HMCN1: variants seen among roughly 807,000 people sequenced by gnomAD.
The protein encoded by HMCN1 is hemicentin 1.
A neutral mutation model predicts 625.9 loss-of-function variants in HMCN1; 321 were observed. The ratio of observed to expected loss-of-function variants is 0.51; its 90% CI spans 0.47 to 0.56. The LOEUF (loss-of-function observed/expected upper bound fraction) is 0.56. Among genes scored for constraint, HMCN1 ranks in the 20% least tolerant of loss-of-function variants. The pLI is 0.00. For missense variants in HMCN1, 6,588 were observed against 6,887.3 expected, an observed-to-expected ratio of 0.96 and a Z score of 1.54; for synonymous variants, 2,425 against 2,417.6, an observed-to-expected ratio of 1.00 and a Z score of -0.09.
Position 186,018,177 on chromosome 1 carries a change from C to A in HMCN1, c.5301-6C>A. 6.2e-7 allele frequency: 1 copy of A among 1,610,174 alleles called. No homozygotes were observed. The highest frequency in any genetic ancestry group is 8.5e-7 in the Non-Finnish European group (1 of 1,176,858). On this transcript the variant is annotated splice_polypyrimidine_tract_variant and splice_region_variant and intron_variant, in intron 33 of 106. Coordinates refer to ENST00000271588, the MANE Select transcript of HMCN1 (RefSeq NM_031935.3). ...TATCCAGACTTCCTTTTGCCTTTTT[C>A]TATAGGTGGCTGAAGGATGGCCAGT...
At chr1:186,047,891 T>C (rs1656680177) in intron 41 of HMCN1, among the ~76,000 whole-genome samples, 1 of 152,170 alleles carries the variant, frequency 6.6e-6, no homozygotes, top group Admixed American at 6.6e-5. Flanking sequence ...GGCTTCTGTG[T>C]ACCCCTGCTA....
At chr1:186,049,073 G>A (rs574426315) in intron 42 of HMCN1, among the ~76,000 whole-genome samples, 32 of 152,162 alleles carry the variant, frequency 2.1e-4, no homozygotes, top group South Asian at 1.2e-3. Flanking sequence ...ATCTGCCTGA[G>A]TAGTAATGTG....
chr1:185,832,314 T>TA (rs1660919018), intron 1 of HMCN1, among the ~76,000 whole-genome samples: 1 of 151,636 alleles, frequency 6.6e-6, no homozygotes, highest in South Asian at 2.1e-4. Context: ...AATAAAAAAA[T>TA]AAAGTTGATA....
In HMCN1 at chr1:186,087,506, C is replaced by A. The variant is rs552289093; in HGVS notation, c.9224C>A (p.Thr3075Asn). The change falls in exon 60 of 107, where the codon ACT (threonine) becomes AAT (asparagine). Residue 3075 changes from threonine to asparagine, a missense_variant. By Grantham distance (65) the Thr-to-Asn change is moderately conservative. Coordinates refer to ENST00000271588, the MANE Select transcript of HMCN1 (RefSeq NM_031935.3). The part of the protein sequence containing the change: ...SLSVVNVREG[T>N]SVSLECESNA... Reference sequence around the variant, plus strand: ...TCTGTAGTTAATGTAAGAGAGGGAACTTCTGTGTCTTTGGAGTGTGAGTCG... The same window carrying A: ...TCTGTAGTTAATGTAAGAGAGGGAAATTCTGTGTCTTTGGAGTGTGAGTCG... 1 of 1,613,312 alleles carries A rather than the reference C, an allele frequency of 6.2e-7. No individual in the cohort carries two copies. Among genetic ancestry groups the A allele is most frequent in the Non-Finnish European group, 8.5e-7 (1 of 1,179,522 alleles).
At chr1:185,799,399 G>A (rs1324207076) in intron 1 of HMCN1, among the ~76,000 whole-genome samples, 1 of 152,154 alleles carries the variant, frequency 6.6e-6, no homozygotes, top group Non-Finnish European at 1.5e-5. Flanking sequence ...CCAATGGCTT[G>A]GACTCCACTC....
At chr1:186,102,308 A>C (rs906227103) in intron 68 of HMCN1, among the ~76,000 whole-genome samples, 14 of 152,136 alleles carry the variant, frequency 9.2e-5, no homozygotes, top group African/African-American at 3.1e-4. Context: ...TTATAATCTA[A>C]GAAGGAGAAC....
rs370332057 is a variant in HMCN1, at chr1:186,015,348, G to A, written c.4820G>A (p.Arg1607Gln). 20 of 1,613,490 alleles carry A rather than the reference G, an allele frequency of 1.2e-5. No homozygotes were observed. Among genetic ancestry groups the A allele is most frequent in the South Asian group, 9.9e-5 (9 of 91,072 alleles). The part of the protein sequence containing the change: ...IDKGQYLHIP[R>Q]AQVSDSATYT... ...AAAGGACAATATCTTCATATTCCTC[G>A]AGCACAGGTCTCTGATTCAGCAACA... The change falls in exon 31 of 107, where the codon CGA (arginine) becomes CAA (glutamine). Residue 1607 changes from arginine to glutamine, a missense_variant. By Grantham distance (43) the Arg-to-Gln change is conservative. Around this residue, in one of 3 missense-constraint regions of HMCN1, gnomAD observed 4,628 missense variants for 4,853.1 expected, o/e 0.95. Coordinates refer to ENST00000271588, the MANE Select transcript of HMCN1 (RefSeq NM_031935.3).
intron 105 of HMCN1, among the ~76,000 whole-genome samples, chr1:186,184,950 G>GA (rs1219490123): frequency 6.6e-6 from 1 of 152,168 alleles, no homozygotes; most frequent in Admixed American, 6.5e-5. Context: ...TAAGAATAGT[G>GA]AGTAGAGTAA....
intron 1 of HMCN1, among the ~76,000 whole-genome samples, chr1:185,807,875 T>C (rs1273526111): frequency 6.6e-6 from 1 of 152,196 alleles, no homozygotes; most frequent in Non-Finnish European, 1.5e-5. Context: ...AAAACTACTA[T>C]GTTGAGAAAA....
At chr1:186,169,818 G>A (rs1026461444) in intron 100 of HMCN1, among the ~76,000 whole-genome samples, 18 of 151,992 alleles carry the variant, frequency 1.2e-4, no homozygotes, top group African/African-American at 3.4e-4. Flanking sequence ...AACAAAAGTC[G>A]AAATTGACAA....
intron 11 of HMCN1, among the ~76,000 whole-genome samples, chr1:185,941,860 T>C (rs1003485133): frequency 6.6e-6 from 1 of 152,138 alleles, no homozygotes; most frequent in African/African-American, 2.4e-5. Flanking sequence ...ATAGAACTTA[T>C]AAGGAAAGAC....
chr1:185,867,060 A>G (rs917304160), intron 4 of HMCN1, among the ~76,000 whole-genome samples: 1 of 152,202 alleles, frequency 6.6e-6, no homozygotes, highest in Admixed American at 6.5e-5. Flanking sequence ...AAGAGTTCTT[A>G]TTATATCAAG....
chr1:186,178,680 A>G lies in HMCN1; in HGVS notation c.16208A>G (p.Asn5403Ser), dbSNP rs1652751939. The change falls in exon 104 of 107, where the codon AAC (asparagine) becomes AGC (serine). Residue 5403 changes from asparagine to serine, a missense_variant. By Grantham distance (46) the Asn-to-Ser change is conservative (BLOSUM62 1). Coordinates refer to ENST00000271588, the MANE Select transcript of HMCN1 (RefSeq NM_031935.3). ...TACAGCTCCTACTCAGAGTATAGAAACAGCAGAACATCTCTCTCCAGGACT... is the reference window on the plus strand; with the variant it reads ...TACAGCTCCTACTCAGAGTATAGAAGCAGCAGAACATCTCTCTCCAGGACT... ...HLYSSYSEYR[N>S]SRTSLSRTRR... 4.3e-6 allele frequency: 7 copies of G among 1,614,158 alleles called. No individual in the cohort carries two copies. Among genetic ancestry groups the G allele is most frequent in the Non-Finnish European group, 5.9e-6 (7 of 1,179,980 alleles).
chr1:185,808,696 C>T (rs968250557), intron 1 of HMCN1, among the ~76,000 whole-genome samples: 3 of 152,172 alleles, frequency 2.0e-5, no homozygotes, highest in African/African-American at 7.2e-5. Context: ...TGATAAACTA[C>T]ATGGGATAAG....
At chr1:186,151,398 C>T (rs759204383) in intron 94 of HMCN1, 49 bp downstream of exon 94, 23 of 1,525,462 alleles carry the variant, frequency 1.5e-5, no homozygotes, top group Non-Finnish European at 1.6e-5. Context: ...TATTATTCTT[C>T]ATCTTATTAC....
chr1:185,738,037 G>C (rs929736460), intron 1 of HMCN1, among the ~76,000 whole-genome samples: 6 of 152,128 alleles, frequency 3.9e-5, no homozygotes, highest in African/African-American at 1.4e-4. Context: ...AGAGATGAAC[G>C]GGGGTCATGG....
At chr1:185,922,946 G>T (rs1667072543) in intron 7 of HMCN1, among the ~76,000 whole-genome samples, 1 of 152,072 alleles carries the variant, frequency 6.6e-6, no homozygotes, top group Non-Finnish European at 1.5e-5. Flanking sequence ...GTATTTCAAA[G>T]ATAAAATTAT....
At chr1:186,060,452 C>T (rs1180931629) in intron 46 of HMCN1, among the ~76,000 whole-genome samples, 1 of 152,034 alleles carries the variant, frequency 6.6e-6, no homozygotes, top group Non-Finnish European at 1.5e-5. Context: ...TAGTTCTCTG[C>T]AGGTTTTGTT....
chr1:185,761,182 G>A (rs1370438211), intron 1 of HMCN1, among the ~76,000 whole-genome samples: 1 of 151,950 alleles, frequency 6.6e-6, no homozygotes, highest in Non-Finnish European at 1.5e-5. Flanking sequence ...TGGGGACAAA[G>A]GTAACATGTT....
Sources: allele counts gnomAD v4.1 joint callset (sites outside exome capture counted in the v4.1 genomes callset), GRCh38; gene constraint gnomAD v4.1.1; regional missense constraint gnomAD v4.1.1; transcripts MANE v1.5; gene names NCBI Gene and HGNC (gene_info 2026-07-23, HGNC 2026-07-21).